Variants in WNK1 observed in about 807,000 individuals in gnomAD.
The protein encoded by WNK1 is WNK lysine deficient protein kinase 1.
WNK1 carries 38 observed loss-of-function variants against 222.8 expected under a neutral mutation model. The ratio of observed to expected loss-of-function variants is 0.17; its 90% CI spans 0.13 to 0.22. The LOEUF is 0.22. WNK1 is among the 10% of genes least tolerant of loss of function. The probability of loss-of-function intolerance (pLI) is 1.00; values close to 1 mark genes in which losing one functional copy is unlikely to be tolerated. For missense variants in WNK1, 2,348 were observed against 2,918.4 expected (o/e 0.80, Z 4.50); for synonymous variants, 1,090 against 1,092.9 (o/e 1.00, Z 0.05).
At position 857,907 on chromosome 12, in the gene WNK1, A is replaced by G. The variant is rs369315794; in HGVS notation, c.1400+658A>G. On this transcript the variant is annotated intron_variant, in intron 5 of 27. Coordinates refer to ENST00000315939, the MANE Select transcript of WNK1 (RefSeq NM_018979.4). ...TTGCCACCCCCTTCCATCCTCCAAA[A>G]AAGAAAAAGGAGACCAGCTAGTACA... Among the ~76,000 whole-genome samples the G allele has an allele frequency of 1.9e-4, 29 of 152,318 alleles. No homozygotes were observed. In the East Asian group the frequency reaches 4.2e-3, roughly 22 times the overall value.
At chr12:857,100 T>A in intron 4 of WNK1, 61 bp from the exon 5 acceptor site, 1 of 1,559,058 alleles carries the variant, frequency 6.4e-7, no homozygotes, top group East Asian at 2.2e-5. Context: ...TAATTGGAAA[T>A]TTAAAAAACA....
intron 3 of WNK1, among the ~76,000 whole-genome samples, chr12:828,729 A>G (rs1023169950): frequency 6.6e-6 from 1 of 152,222 alleles, no homozygotes; most frequent in Non-Finnish European, 1.5e-5. Context: ...AAGCTGGAAA[A>G]ATAATTTAAT....
At chr12:864,980 A>AC in intron 8 of WNK1, 2 of 1,274,962 alleles carry the variant, frequency 1.6e-6, no homozygotes, top group Non-Finnish European at 2.1e-6. Context: ...TCAAAAAAAA[A>AC]ACTGACTTTG....
At chr12:877,191 G>T (rs57939606) in intron 9 of WNK1, among the ~76,000 whole-genome samples, 1 of 151,408 alleles carries the variant, frequency 6.6e-6, no homozygotes, top group African/African-American at 2.4e-5. Context: ...AGCCTCCTGA[G>T]TAGCTGGGAT....
intron 21 of WNK1, among the ~76,000 whole-genome samples, chr12:889,529 A>G (rs1273608571): frequency 3.9e-5 from 6 of 152,196 alleles, no homozygotes; most frequent in Non-Finnish European, 8.8e-5. Context: ...AGATAAAATA[A>G]TGTTTTGGGC....
chr12:772,496 C>T (rs891624728), intron 1 of WNK1, among the ~76,000 whole-genome samples: 4 of 151,616 alleles, frequency 2.6e-5, no homozygotes, highest in South Asian at 2.1e-4. Flanking sequence ...CATACAGCAG[C>T]GTAATTATGT....
At position 782,092 on chromosome 12, in the gene WNK1, A is replaced by G. The variant is rs73602271; in HGVS notation, c.759+27768A>G. 4.7e-3 allele frequency among the ~76,000 whole-genome samples: 719 copies of G among 152,316 alleles called. 3 individuals carry two copies. The highest frequency in any genetic ancestry group is 0.016 in the African/African-American group (683 of 41,566). ...CAAGTAACAAACACTGTGGTAGACTAACATTTGAGTTTGAAGTTTCATATA... is the reference window on the plus strand; with the variant it reads ...CAAGTAACAAACACTGTGGTAGACTGACATTTGAGTTTGAAGTTTCATATA... On this transcript the variant is annotated intron_variant, in intron 1 of 27. Coordinates refer to ENST00000315939, the MANE Select transcript of WNK1 (RefSeq NM_018979.4).
intron 4 of WNK1, among the ~76,000 whole-genome samples, chr12:845,230 T>A (rs1054175791): frequency 3.3e-5 from 5 of 152,186 alleles, no homozygotes; most frequent in Admixed American, 2.6e-4. Flanking sequence ...AATTTAAATT[T>A]TTAGTTAGTA....
In WNK1 at chr12:770,013, GC is replaced by G. The variant is rs373340672; in HGVS notation, c.759+15692del. ...TTTGAGACGGAGTTTCACTCTTGTTGCCCAGGCTGGAGTGCAATGGCGTGAT... is the reference window on the plus strand; with the variant it reads ...TTTGAGACGGAGTTTCACTCTTGTTGCCAGGCTGGAGTGCAATGGCGTGAT... On this transcript the variant is annotated intron_variant, in intron 1 of 27. Coordinates refer to ENST00000315939, the MANE Select transcript of WNK1 (RefSeq NM_018979.4). Among the ~76,000 whole-genome samples the G allele has an allele frequency of 2.1e-3, 302 of 146,884 alleles. 1 individual carries two copies. The highest frequency in any genetic ancestry group is 7.0e-3 in the African/African-American group (278 of 39,648).
intron 9 of WNK1, among the ~76,000 whole-genome samples, chr12:877,423 GT>G (rs1200496432): frequency 2.2e-4 from 34 of 152,146 alleles, no homozygotes; most frequent in Non-Finnish European, 2.2e-4. Flanking sequence ...GTCCTGTTTT[GT>G]TTGGTTTTGT....
chr12:834,781 TG>T (rs1469007463), intron 4 of WNK1, among the ~76,000 whole-genome samples: 1 of 152,218 alleles, frequency 6.6e-6, no homozygotes, highest in African/African-American at 2.4e-5. Flanking sequence ...GTCATCTTCT[TG>T]GGGGGGTGTG....
chr12:795,307 T>A (rs1469580364), intron 1 of WNK1, among the ~76,000 whole-genome samples: 3 of 151,880 alleles, frequency 2.0e-5, no homozygotes, highest in African/African-American at 7.3e-5. Flanking sequence ...TTTTTTTTTT[T>A]TTTTTCTTGA....
chr12:797,477 C>G (rs975210001), intron 1 of WNK1, among the ~76,000 whole-genome samples: 1 of 152,118 alleles, frequency 6.6e-6, no homozygotes, highest in Non-Finnish European at 1.5e-5. Flanking sequence ...TTCAAATGAT[C>G]GTAATAATAC....
In WNK1 at chr12:757,663, G is replaced by T. The variant is rs368069276; in HGVS notation, c.759+3339G>T. ...GTCTTGGTCAGAAAATATTACTGTTGGGCTCTATCTGCAGAGTTTACATTG... is the reference window on the plus strand; with the variant it reads ...GTCTTGGTCAGAAAATATTACTGTTTGGCTCTATCTGCAGAGTTTACATTG... On this transcript the variant is annotated intron_variant, in intron 1 of 27. Transcript: ENST00000315939. Among the ~76,000 whole-genome samples the T allele has an allele frequency of 6.7e-5, 10 of 148,818 alleles. No individual in the cohort carries two copies. In the East Asian group the frequency reaches 1.6e-3, roughly 23 times the overall value.
rs1319160318 is a variant in WNK1 at position 896,475 on chromosome 12, A to G, written c.5988A>G (p.Lys1996=). The change falls in exon 24 of 28, where the codon AAA becomes AAG. Residue 1996 remains lysine (K), a synonymous_variant. Coordinates refer to ENST00000315939, the MANE Select transcript of WNK1 (RefSeq NM_018979.4). ...QAVLPAVIPK[K]EKPELSEPSH... ...TTCTTCCTGCTGTGATACCAAAGAA[A>G]GAGAAGCCTGAACTGTCAGAGCCTT... 1 of 1,613,842 alleles carries G rather than the reference A, an allele frequency of 6.2e-7. No homozygotes were observed. The highest frequency in any genetic ancestry group is 8.5e-7 in the Non-Finnish European group (1 of 1,180,002).
At chr12:818,672 A>G (rs1369657591) in intron 2 of WNK1, among the ~76,000 whole-genome samples, 1 of 152,144 alleles carries the variant, frequency 6.6e-6, no homozygotes, top group Non-Finnish European at 1.5e-5. Flanking sequence ...ACTTTTTACC[A>G]TCTCTATGGA....
chr12:848,407 G>A (rs1475234661), intron 4 of WNK1, among the ~76,000 whole-genome samples: 3 of 151,254 alleles, frequency 2.0e-5, no homozygotes, highest in African/African-American at 7.3e-5. Flanking sequence ...TAGGCTTAAA[G>A]AGATGAGGTA....
rs1229873780 is a variant in WNK1 at position 827,219 on chromosome 12, T to A, written c.1110T>A (p.Gly370=). The change falls in exon 3 of 28, where the codon GGT becomes GGA. Residue 370 remains glycine (G), a synonymous_variant. Coordinates refer to ENST00000315939, the MANE Select transcript of WNK1 (RefSeq NM_018979.4). The surrounding 1 kb of genome is among the most constrained non-coding windows in gnomAD (Gnocchi z 4.6). ...GCTCAGTCAAGATTGGAGACCTCGG[T>A]CTGGCAACCCTGAAGCGGGCTTCTT... ...PTGSVKIGDL[G]LATLKRASFA... 6.2e-7 allele frequency: 1 copy of A among 1,614,196 alleles called. No homozygotes were observed.
rs528293975 is a variant in WNK1 at position 885,571 on chromosome 12, T to G, written c.4767T>G (p.Thr1589=). The G allele has an allele frequency of 6.2e-7, 1 of 1,614,144 alleles. No homozygotes were observed. The highest frequency in any genetic ancestry group is 1.1e-5 in the South Asian group (1 of 91,084). Residue 1589 remains threonine, a synonymous_variant, in exon 19 of 28, where the codon ACT becomes ACG. Transcript: ENST00000315939. ...TTCTTCCCCAAGCAGCAGGACCTAC[T>G]TCTACACCTTTATTACCCCAAGTAC... ...TPILPQAAGP[T]STPLLPQVPS...
Sources: allele counts gnomAD v4.1 joint callset (sites outside exome capture counted in the v4.1 genomes callset), GRCh38; gene constraint gnomAD v4.1.1; non-coding constraint Gnocchi (gnomAD v3.1); transcripts MANE v1.5; gene names NCBI Gene and HGNC (gene_info 2026-07-23, HGNC 2026-07-21).